WDR1: variants seen among roughly 807,000 people sequenced by gnomAD.
WDR1 encodes WD repeat domain 1.
In WDR1, 21 loss-of-function variants were observed where a neutral mutation model predicts 71.9. The observed-to-expected ratio is 0.29, with a 90% CI of 0.21 to 0.42. The LOEUF is 0.42. Ranked by LOEUF, WDR1 falls within the 10% of genes least tolerant of loss-of-function variation. The pLI, the probability that WDR1 is intolerant of heterozygous loss-of-function variation, is 1.00. For missense variants in WDR1, 696 were observed against 824.5 expected (o/e 0.84, Z 1.91); for synonymous variants, 424 against 347.4 (o/e 1.22, Z -2.45).
intron 2 of WDR1, 69 bp downstream of exon 2, chr4:10,116,044 A>G: frequency 1.3e-6 from 2 of 1,564,736 alleles, no homozygotes; most frequent in Admixed American, 1.8e-5. Context: ...AGAAGTGGAG[A>G]GGAAGGCGAA....
chr4:10,106,883 C>T lies in WDR1; in HGVS notation c.139-2897G>A, dbSNP rs74981083. Among the ~76,000 whole-genome samples the T allele has an allele frequency of 4.1e-4, 62 of 152,270 alleles. No individual in the cohort carries two copies. In the East Asian group the frequency reaches 8.3e-3, roughly 20 times the overall value. ...ACTACACCCAGAAAGATACCTCACA[C>T]CCCCACGTGTCACTCGGCCTGTGAG... On this transcript the variant is annotated intron_variant, in intron 2 of 14. Transcript: ENST00000499869.
chr4:10,082,796 C>T (rs112470276), intron 10 of WDR1, among the ~76,000 whole-genome samples: 40 of 152,296 alleles, frequency 2.6e-4, no homozygotes, highest in African/African-American at 9.4e-4. Flanking sequence ...GGGCAGAGTC[C>T]ACACCTGGTC....
chr4:10,081,425 G>A lies in WDR1; in HGVS notation c.1216C>T (p.Leu406=), dbSNP rs766438897. ...GCTACGCACTTTGGCTGAACGTCCA[G>A]TTTCACAACTCCTTGTCCGCTGTTA... ...RDYSGQGVVK[L]DVQPKCVAVG... Residue 406 remains leucine, a synonymous_variant, in exon 11 of 15, where the codon CTG becomes TTG. Coordinates refer to ENST00000499869, the MANE Select transcript of WDR1 (RefSeq NM_017491.5). 1.2e-6 allele frequency: 2 copies of A among 1,613,942 alleles called. No homozygotes were observed. Among genetic ancestry groups the A allele is most frequent in the Non-Finnish European group, 1.7e-6 (2 of 1,179,886 alleles).
Position 10,103,962 on chromosome 4 carries a change from T to G in WDR1, c.163A>C (p.Thr55Pro), listed in dbSNP as rs1432616958. The G allele has an allele frequency of 1.2e-6, 2 of 1,602,246 alleles. No individual in the cohort carries two copies. Among genetic ancestry groups the G allele is most frequent in the African/African-American group, 2.7e-5 (2 of 74,664 alleles). The part of the protein sequence containing the change: ...IDNPALADIY[T>P]EHAHQVVVAK... ...ACCACCACCTGATGGGCGTGCTCTG[T>G]GTAGATGTCAGCAAGGGCTGGGTTC... Residue 55 changes from threonine to proline, a missense_variant, in exon 3 of 15, where the codon ACA (threonine) becomes CCA (proline). By Grantham distance (38) the Thr-to-Pro change is conservative (BLOSUM62 -1). Transcript: ENST00000499869.
chr4:10,077,999 G>A (rs969588736), intron 12 of WDR1, 73 bp from the exon 13 acceptor site: 13 of 1,462,254 alleles, frequency 8.9e-6, no homozygotes, highest in Middle Eastern at 1.8e-4. Flanking sequence ...TGAAGGGGGG[G>A]TCGAGGGCTT....
In WDR1 at chr4:10,088,769, G is replaced by A. The variant is rs1053636005; in HGVS notation, c.559-28C>T. 5.2e-6 allele frequency: 8 copies of A among 1,549,606 alleles called. No homozygotes were observed. The African/African-American group carries it at 9.6e-5, about 19-fold the overall frequency. Reference sequence around the variant, plus strand: ...GCAGGAAAACAATTACCTGCCTGATGAGGGGCCGCAGGCCTGACTCTAGGT... The same window carrying A: ...GCAGGAAAACAATTACCTGCCTGATAAGGGGCCGCAGGCCTGACTCTAGGT... On this transcript the variant is annotated intron_variant, in intron 5 of 14. Transcript: ENST00000499869.
chr4:10,091,366 C>A (rs184571335), intron 5 of WDR1, among the ~76,000 whole-genome samples: 1 of 152,340 alleles, frequency 6.6e-6, no homozygotes, highest in African/African-American at 2.4e-5. Context: ...AAGGCCCGAT[C>A]CACTCAGCTG....
Position 10,111,695 on chromosome 4 carries a change from G to A in WDR1, c.138+4418C>T, listed in dbSNP as rs1713374691. 2.0e-5 allele frequency among the ~76,000 whole-genome samples: 3 copies of A among 152,088 alleles called. No individual in the cohort carries two copies. The South Asian group carries it at 6.2e-4, about 32-fold the overall frequency. On this transcript the variant is annotated intron_variant, in intron 2 of 14. Coordinates refer to ENST00000499869, the MANE Select transcript of WDR1 (RefSeq NM_017491.5). ...GGTCAGTCCTCAAGCCCTCTGTCAT[G>A]CCACCATTACCCCCAACCCGCAGGA...
intron 5 of WDR1, among the ~76,000 whole-genome samples, chr4:10,089,751 G>A (rs75860832): frequency 6.6e-6 from 1 of 152,350 alleles, no homozygotes; most frequent in African/African-American, 2.4e-5. Flanking sequence ...CCCCAAGGCG[G>A]ATAAGCTGCC....
chr4:10,082,905 G>T, intron 10 of WDR1, 117 bp downstream of exon 10: 1 of 1,304,346 alleles, frequency 7.7e-7, no homozygotes, highest in Non-Finnish European at 1.0e-6. Context: ...GGGACGGGGT[G>T]GGAGAGATGA....
At chr4:10,091,440 G>A (rs765082603) in intron 5 of WDR1, 2 of 152,344 alleles carry the variant, frequency 1.3e-5, no homozygotes, top group African/African-American at 4.8e-5. Context: ...TTTACCCCCC[G>A]AGGGGCCATG....
At chr4:10,085,321 T>C (rs1313349857) in intron 8 of WDR1, among the ~76,000 whole-genome samples, 1 of 152,254 alleles carries the variant, frequency 6.6e-6, no homozygotes, top group Admixed American at 6.5e-5. Flanking sequence ...CAATATGGCA[T>C]AGATCTTTGG....
chr4:10,092,732 A>G, intron 5 of WDR1: 1 of 265,942 alleles, frequency 3.8e-6, no homozygotes, highest in Non-Finnish European at 7.7e-6. Flanking sequence ...AGGGCTAAAA[A>G]TAGCCCTTTC....
chr4:10,081,290 G>A, intron 11 of WDR1, 67 bp downstream of exon 11: 2 of 1,516,212 alleles, frequency 1.3e-6, no homozygotes, highest in Non-Finnish European at 1.8e-6. Context: ...CGGGACATGA[G>A]TCAAATTCAG....
chr4:10,092,484 GCCTCCCAC>G, intron 5 of WDR1: 1 of 153,712 alleles, frequency 6.5e-6, no homozygotes, highest in Admixed American at 6.4e-5. Flanking sequence ...CTCTGCCGAC[GCCTCCCAC>G]AGGCTCTGGC....
intron 1 of WDR1, 81 bp from the exon 2 acceptor site, chr4:10,116,315 G>A (rs371112984): frequency 6.0e-4 from 947 of 1,579,500 alleles, no homozygotes; most frequent in Non-Finnish European, 7.8e-4. Context: ...GCCCCGGACC[G>A]GTCTCGGCCG....
chr4:10,116,717 C>A lies in WDR1; in HGVS notation c.-51G>T. On this transcript the variant is annotated 5_prime_UTR_variant, in exon 1 of 15. Transcript: ENST00000499869. ...GCTCGCCGAGAGCCTCCGGGGCCGG[C>A]CCGCGCTGCGAATTACACCTCGCCG... 1 of 1,318,246 alleles carries A rather than the reference C, an allele frequency of 7.6e-7. No individual in the cohort carries two copies. The highest frequency in any genetic ancestry group is 9.7e-7 in the Non-Finnish European group (1 of 1,030,768). The allele number at this position is 1,318,246 out of a possible 1,614,324, so 81.7% of individuals were successfully genotyped here. A position where few individuals can be genotyped will look rare whatever the true frequency, so the allele number is the denominator to read the frequency against.
chr4:10,092,952 T>C (rs1053787651), intron 5 of WDR1: 7 of 802,762 alleles, frequency 8.7e-6, no homozygotes, highest in Non-Finnish European at 1.3e-5. Flanking sequence ...CTGTCCTCCC[T>C]TGCAGCCAAC....
chr4:10,086,945 G>A (rs960885677), intron 8 of WDR1, among the ~76,000 whole-genome samples: 1 of 152,156 alleles, frequency 6.6e-6, no homozygotes, highest in Non-Finnish European at 1.5e-5. Flanking sequence ...CCCCTGCTCT[G>A]GCTCCTGTCC....
Sources: allele counts gnomAD v4.1 joint callset (sites outside exome capture counted in the v4.1 genomes callset), GRCh38; gene constraint gnomAD v4.1.1; transcripts MANE v1.5; gene names NCBI Gene and HGNC (gene_info 2026-07-23, HGNC 2026-07-21).